Variants in ATXN1L observed in about 807,000 individuals in gnomAD.
ATXN1L encodes ataxin-1-like.
Under a neutral mutation model 43.4 loss-of-function variants are expected in ATXN1L, and 8 were observed. The ratio of observed to expected loss-of-function variants is 0.18; its 90% CI spans 0.11 to 0.33. The LOEUF (loss-of-function observed/expected upper bound fraction) is 0.33, where lower values mean the gene tolerates loss of function less well. Among genes scored for constraint, ATXN1L ranks in the 10% least tolerant of loss-of-function variants. ATXN1L has a pLI of 1.00. For synonymous variants in ATXN1L, 379 were observed against 360.6 expected (o/e 1.05, Z -0.58); for missense variants, 856 against 885.4 (o/e 0.97, Z 0.42).
chr16:71,849,473 G>T (rs907800840), intron 2 of ATXN1L, among the ~76,000 whole-genome samples, 151 bp from the exon 3 acceptor site: 2 of 152,114 alleles, frequency 1.3e-5, no homozygotes, highest in Non-Finnish European at 2.9e-5. Flanking sequence ...TGAGTTGGGG[G>T]TAGCCTCCTT....
intron 2 of ATXN1L, 146 bp downstream of exon 2, chr16:71,848,217 T>G (rs1234775394): frequency 5.3e-6 from 2 of 373,862 alleles, no homozygotes; most frequent in Non-Finnish European, 1.1e-5. Context: ...AAAGTTCATG[T>G]GCACTGAAGT....
In ATXN1L at chr16:71,850,410, C is replaced by G. The variant is rs1435406244; in HGVS notation, c.670C>G (p.Pro224Ala). Residue 224 changes from proline to alanine, a missense_variant, in exon 3 of 3, where the codon CCA (proline) becomes GCA (alanine). Transcript: ENST00000427980. ...HSSTQPLDLA[P>A]GRMPIYYQMS... ...AAGTACTCAGCCGCTGGACCTTGCT[C>G]CAGGTCGGATGCCCATTTATTATCA... The G allele has an allele frequency of 1.3e-6, 2 of 1,551,584 alleles. No homozygotes were observed. The highest frequency in any genetic ancestry group is 2.7e-5 in the African/African-American group (2 of 73,042).
chr16:71,848,430 A>G (rs944910700), intron 2 of ATXN1L: 1 of 160,548 alleles, frequency 6.2e-6, no homozygotes, highest in African/African-American at 2.4e-5. Context: ...GGTAAAAGAA[A>G]GCACAAAGAA....
chr16:71,851,885 C>G lies in ATXN1L; in HGVS notation c.*75C>G. On this transcript the variant is annotated 3_prime_UTR_variant, in exon 3 of 3. Coordinates refer to ENST00000427980, the MANE Select transcript of ATXN1L (RefSeq NM_001137675.4). This position sits in a 1 kb window ranked among gnomAD's most constrained non-coding sequence, Gnocchi z 4.9. ...CCGCCGTGAGCAGGCAGAGGATTTGCACACGCCGAGCAGGGAATGGCTTTC... is the reference window on the plus strand; with the variant it reads ...CCGCCGTGAGCAGGCAGAGGATTTGGACACGCCGAGCAGGGAATGGCTTTC... The G allele has an allele frequency of 1.5e-6, 2 of 1,358,458 alleles. No homozygotes were observed. Among genetic ancestry groups the G allele is most frequent in the Non-Finnish European group, 9.6e-7 (1 of 1,044,112 alleles). 84.2% of individuals were successfully genotyped at this position (1,358,458 alleles called of 1,614,324 possible).
rs2033482385 is a variant in ATXN1L, at chr16:71,850,113, C to G, written c.373C>G (p.Pro125Ala). 2 of 1,551,632 alleles carry G rather than the reference C, an allele frequency of 1.3e-6. No individual in the cohort carries two copies. Among genetic ancestry groups the G allele is most frequent in the Non-Finnish European group, 1.7e-6 (2 of 1,147,018 alleles). Residue 125 changes from proline (P) to alanine (A), a missense_variant, in exon 3 of 3, where the codon CCT (proline) becomes GCT (alanine). Physicochemically the swap from Pro to Ala is conservative, Grantham distance 27. Coordinates refer to ENST00000427980, the MANE Select transcript of ATXN1L (RefSeq NM_001137675.4). ...SLIQHPGIHY[P>A]PLHYAQLPST... Reference sequence around the variant, plus strand: ...AATTCAACATCCAGGCATCCACTATCCTCCACTCCACTATGCTCAGCTCCC... The same window carrying G: ...AATTCAACATCCAGGCATCCACTATGCTCCACTCCACTATGCTCAGCTCCC...
chr16:71,850,782 G>T lies in ATXN1L; in HGVS notation c.1042G>T (p.Asp348Tyr), dbSNP rs551247048. Residue 348 changes from aspartate (D) to tyrosine (Y), a missense_variant, in exon 3 of 3, where the codon GAC becomes TAC. Asp to Tyr is a radical substitution (Grantham distance 160, BLOSUM62 -3). Around this residue, in one of 7 missense-constraint regions of ATXN1L, gnomAD observed 490 missense variants for 449.4 expected, o/e 1.09. Coordinates refer to ENST00000427980, the MANE Select transcript of ATXN1L (RefSeq NM_001137675.4). ...GGTGGTTGGCGCTTTAGCTTCTCAG[G>T]ACTATCGTGTGGTGGCAGCTCAGAG... Reference protein sequence around the residue: ...QRVVGALASQDYRVVAAQRKE... With the variant: ...QRVVGALASQYYRVVAAQRKE... 6 of 1,551,692 alleles carry T rather than the reference G, an allele frequency of 3.9e-6. No individual in the cohort carries two copies. In the South Asian group the frequency reaches 4.8e-5, roughly 12 times the overall value.
chr16:71,848,253 A>G (rs2033463179), intron 2 of ATXN1L, 182 bp downstream of exon 2: 1 of 311,542 alleles, frequency 3.2e-6, no homozygotes, highest in Admixed American at 4.5e-5. Flanking sequence ...TTGCTTTATA[A>G]CAATGGACAA....
intron 2 of ATXN1L, 60 bp from the exon 3 acceptor site, chr16:71,849,564 T>G: frequency 3.7e-6 from 2 of 536,114 alleles, no homozygotes; most frequent in Non-Finnish European, 3.1e-6. Flanking sequence ...TCTTTCTATT[T>G]CCTTTGTCTT....
At position 71,856,890 on chromosome 16, in the gene ATXN1L, G is replaced by A. The variant is rs2142326279; in HGVS notation, c.*5080G>A. 1 of 167,138 alleles carries A rather than the reference G, an allele frequency of 6.0e-6. No homozygotes were observed. The highest frequency in any genetic ancestry group is 1.9e-4 in the East Asian group (1 of 5,182). 10.4% of individuals were successfully genotyped at this position (167,138 alleles called of 1,614,324 possible). A position where few individuals can be genotyped will look rare whatever the true frequency, so the allele number is the denominator to read the frequency against. ...GGGGAGGTCTGGATGGATCTGTGTA[G>A]GAGTTCCCTGTAGATAAATTACTGA... On this transcript the variant is annotated 3_prime_UTR_variant, in exon 3 of 3. Transcript: ENST00000427980.
chr16:71,852,013 G>T lies in ATXN1L; in HGVS notation c.*203G>T. ...GCATCCTTTCAGGACAACCCCAGAG[G>T]GTGTTGTGATGGGGAGCAGCAGGCC... On this transcript the variant is annotated 3_prime_UTR_variant, in exon 3 of 3. Transcript: ENST00000427980. 2.0e-6 allele frequency: 1 copy of T among 503,804 alleles called. No homozygotes were observed. The highest frequency in any genetic ancestry group is 8.9e-5 in the South Asian group (1 of 11,264). The allele number at this position is 503,804 out of a possible 1,614,324, so 31.2% of individuals were successfully genotyped here. A position where few individuals can be genotyped will look rare whatever the true frequency, so the allele number is the denominator to read the frequency against.
At chr16:71,849,268 T>C (rs1297864243) in intron 2 of ATXN1L, among the ~76,000 whole-genome samples, 4 of 133,592 alleles carry the variant, frequency 3.0e-5, no homozygotes, top group African/African-American at 8.5e-5. Context: ...GGAAAGACCA[T>C]GTGTTCAAAG....
At position 71,849,702 on chromosome 16, in the gene ATXN1L, G is replaced by C; in HGVS notation, c.-39G>C. The C allele has an allele frequency of 6.8e-7, 1 of 1,462,930 alleles. No individual in the cohort carries two copies. Among genetic ancestry groups the C allele is most frequent in the Non-Finnish European group, 9.1e-7 (1 of 1,103,642 alleles). The allele number at this position is 1,462,930 out of a possible 1,614,324, so 90.6% of individuals were successfully genotyped here. A position where few individuals can be genotyped will look rare whatever the true frequency, so the allele number is the denominator to read the frequency against. On this transcript the variant is annotated 5_prime_UTR_variant, in exon 3 of 3. Transcript: ENST00000427980. Reference sequence around the variant, plus strand: ...CCCCTTCTGATGCCCCAGGGAGCAAGTCGACTCCTTCCAGGCTCCAGGAAC... The same window carrying C: ...CCCCTTCTGATGCCCCAGGGAGCAACTCGACTCCTTCCAGGCTCCAGGAAC...
Position 71,852,470 on chromosome 16 carries a change from CG to C in ATXN1L, c.*665del. The C allele has an allele frequency of 6.0e-6, 1 of 167,306 alleles. No homozygotes were observed. Among genetic ancestry groups the C allele is most frequent in the Non-Finnish European group, 1.5e-5 (1 of 68,228 alleles). 10.4% of individuals were successfully genotyped at this position (167,306 alleles called of 1,614,324 possible). A position where few individuals can be genotyped will look rare whatever the true frequency, so the allele number is the denominator to read the frequency against. On this transcript the variant is annotated 3_prime_UTR_variant, in exon 3 of 3. Transcript: ENST00000427980. ...TCTGCCTACAAGGCTTCTAGCAGCA[CG>C]GGGGCCCGGAGGGAGAGCCCCTTCA...
At chr16:71,846,273 T>A (rs1356351034) in intron 1 of ATXN1L, among the ~76,000 whole-genome samples, 169 bp downstream of exon 1, 2 of 152,118 alleles carry the variant, frequency 1.3e-5, no homozygotes, top group Non-Finnish European at 2.9e-5. Flanking sequence ...CTCTCTGGCC[T>A]GTCCTGGAAG....
chr16:71,849,617 C>G lies in ATXN1L; in HGVS notation c.-117-7C>G. 1 of 1,097,620 alleles carries G rather than the reference C, an allele frequency of 9.1e-7. No individual in the cohort carries two copies. Among genetic ancestry groups the G allele is most frequent in the South Asian group, 2.0e-5 (1 of 49,824 alleles). 68.0% of individuals were successfully genotyped at this position (1,097,620 alleles called of 1,614,324 possible). The stretch of plus-strand genomic sequence containing the variant: ...CTTTTCTTTGCCTCTGATTTGTTCC[C>G]TAATAGATGTGGGCGCCCCAGCCAG... On this transcript the variant is annotated splice_region_variant and splice_polypyrimidine_tract_variant and intron_variant, in intron 2 of 2. Coordinates refer to ENST00000427980, the MANE Select transcript of ATXN1L (RefSeq NM_001137675.4).
At chr16:71,849,528 T>G in intron 2 of ATXN1L, 96 bp from the exon 3 acceptor site, 1 of 444,908 alleles carries the variant, frequency 2.2e-6, no homozygotes, top group Non-Finnish European at 3.9e-6. Flanking sequence ...CAGTCCCCTT[T>G]GTTACATCTT....
chr16:71,854,558 G>A lies in ATXN1L; in HGVS notation c.*2748G>A, dbSNP rs1190320957. 6.0e-6 allele frequency: 1 copy of A among 167,012 alleles called. No individual in the cohort carries two copies. The highest frequency in any genetic ancestry group is 2.4e-5 in the African/African-American group (1 of 41,422). 10.3% of individuals were successfully genotyped at this position (167,012 alleles called of 1,614,324 possible). On this transcript the variant is annotated 3_prime_UTR_variant, in exon 3 of 3. Transcript: ENST00000427980. ...GCCTCCCCCTTGCCTTTAACCTCTA[G>A]TTTAGTCTTTTCCTCCAGGCATGAA...
Position 71,850,704 on chromosome 16 carries a change from G to T in ATXN1L, c.964G>T (p.Val322Leu), listed in dbSNP as rs1305576124. 1.9e-6 allele frequency: 3 copies of T among 1,551,600 alleles called. No homozygotes were observed. The highest frequency in any genetic ancestry group is 1.7e-6 in the Non-Finnish European group (2 of 1,147,012). The change falls in exon 3 of 3, where the codon GTA becomes TTA. Residue 322 changes from valine to leucine, a missense_variant. This residue lies in a region of ATXN1L where 490 missense variants were observed against 449.4 expected (regional missense o/e 1.09). Coordinates refer to ENST00000427980, the MANE Select transcript of ATXN1L (RefSeq NM_001137675.4). ...AGGTTCTCAGACTCCACGGGTAGAG[G>T]TAGCAGCACCAGCACACCGGGGGAC... is the stretch of plus-strand genomic sequence containing the variant. ...FSGSQTPRVE[V>L]AAPAHRGTPD...
Position 71,854,425 on chromosome 16 carries a change from A to G in ATXN1L, c.*2615A>G, listed in dbSNP as rs1346023781. On this transcript the variant is annotated 3_prime_UTR_variant, in exon 3 of 3. Coordinates refer to ENST00000427980, the MANE Select transcript of ATXN1L (RefSeq NM_001137675.4). ...GTAATACCACAATATCGTTCCATGC[A>G]TATATAACATATTAATACTTGATTT... 6.0e-6 allele frequency: 1 copy of G among 167,064 alleles called. No homozygotes were observed. The highest frequency in any genetic ancestry group is 2.4e-5 in the African/African-American group (1 of 41,448). The allele number at this position is 167,064 out of a possible 1,614,324, so 10.3% of individuals were successfully genotyped here.
Sources: gnomAD v4.1 joint callset for allele counts (sites outside exome capture counted in the v4.1 genomes callset) on GRCh38, gnomAD v4.1.1 for gene constraint, gnomAD v4.1.1 regional missense constraint, Gnocchi (gnomAD v3.1) non-coding constraint, MANE v1.5 for transcripts, NCBI Gene and HGNC (gene_info 2026-07-23, HGNC 2026-07-21) for gene names.